The following CTSK variants were observed in gnomAD, a reference collection of about 807,000 sequenced individuals.
CTSK encodes cathepsin K.
A neutral mutation model predicts 40.5 loss-of-function variants in CTSK; 26 were observed. The ratio of observed to expected loss-of-function variants is 0.64; its 90% CI spans 0.47 to 0.89. The LOEUF (loss-of-function observed/expected upper bound fraction) is 0.89. CTSK is among the 40% of genes least tolerant of loss of function. The pLI is 0.00. For missense variants in CTSK, 292 were observed against 400.1 expected (o/e 0.73, Z 2.30); for synonymous variants, 132 against 143.2 (o/e 0.92, Z 0.56).
chr1:150,805,977 C>CT lies in CTSK; in HGVS notation c.282dup (p.Val95SerfsTer9), dbSNP rs745520467. 1.2e-6 allele frequency: 2 copies of CT among 1,614,156 alleles called. No homozygotes were observed. The highest frequency in any genetic ancestry group is 2.2e-5 in the South Asian group (2 of 91,082). ...TTACTGCGGGAATGAGACAGGGGTA[C>CT]TTTGAGTCCAGTCATCTTCTGAACC... is the stretch of plus-strand genomic sequence containing the variant. On this transcript the variant is annotated frameshift_variant, in exon 4 of 8. Coordinates refer to ENST00000271651, the MANE Select transcript of CTSK (RefSeq NM_000396.4). LOFTEE classifies it high-confidence loss of function.
chr1:150,803,646 T>C (rs1654033125), intron 5 of CTSK, among the ~76,000 whole-genome samples: 1 of 152,236 alleles, frequency 6.6e-6, no homozygotes, highest in Admixed American at 6.5e-5. Flanking sequence ...TGAAATGTTC[T>C]GAAAACTCAC....
Position 150,805,896 on chromosome 1 carries a change from G to T in CTSK, c.364C>A (p.Arg122=), listed in dbSNP as rs759107967. Reference sequence around the variant, plus strand: ...ACAGGAGTAACATATCCTTTCTTTCGATAGTCGACAGAGTCTGGGGCTCTA... The same window carrying T: ...ACAGGAGTAACATATCCTTTCTTTCTATAGTCGACAGAGTCTGGGGCTCTA... The part of the protein sequence containing the change: ...EGRAPDSVDY[R]KKGYVTPVKN... The change falls in exon 4 of 8, where the codon CGA becomes AGA. Residue 122 remains arginine (R), a synonymous_variant. Transcript: ENST00000271651. 1 of 1,614,094 alleles carries T rather than the reference G, an allele frequency of 6.2e-7. No homozygotes were observed. Among genetic ancestry groups the T allele is most frequent in the South Asian group, 1.1e-5 (1 of 91,076 alleles).
chr1:150,806,668 C>T lies in CTSK; in HGVS notation c.120+18G>A. 2 of 1,613,672 alleles carry T rather than the reference C, an allele frequency of 1.2e-6. No individual in the cohort carries two copies. On this transcript the variant is annotated intron_variant, in intron 2 of 7. Transcript: ENST00000271651. ...GGTCTCAGCCTTCCTGCCATGCCCC[C>T]TCCAGGACCCCAGGCACCTTGTTGT... is the stretch of plus-strand genomic sequence containing the variant.
At chr1:150,807,052 T>A (rs1374210258) in intron 1 of CTSK, among the ~76,000 whole-genome samples, 1 of 140,448 alleles carries the variant, frequency 7.1e-6, no homozygotes, top group Non-Finnish European at 1.5e-5. Flanking sequence ...ACACACTCTC[T>A]CTGTTTCTCT....
Position 150,796,565 on chromosome 1 carries a change from A to G in CTSK, c.*234T>C, listed in dbSNP as rs1188075125. ...CTGTAGTCACATCTCTTAGCCTAAG[A>G]GTACACAGCTGTCAGGGAAAGTCCT... On this transcript the variant is annotated 3_prime_UTR_variant, in exon 8 of 8. Transcript: ENST00000271651. 1 of 614,972 alleles carries G rather than the reference A, an allele frequency of 1.6e-6. No individual in the cohort carries two copies. Among genetic ancestry groups the G allele is most frequent in the African/African-American group, 1.8e-5 (1 of 54,568 alleles). The allele number at this position is 614,972 out of a possible 1,614,324, so 38.1% of individuals were successfully genotyped here.
intron 4 of CTSK, among the ~76,000 whole-genome samples, chr1:150,805,638 CAAAAAAAAA>C (rs79027279): frequency 1.8e-5 from 1 of 54,998 alleles, no homozygotes; most frequent in Non-Finnish European, 3.2e-5. Context: ...GACTCTATCT[CAAAAAAAAA>C]AAAAAAAAAA....
At chr1:150,806,653 T>A (rs751721868) in intron 2 of CTSK, 33 bp downstream of exon 2, 11 of 1,613,142 alleles carry the variant, frequency 6.8e-6, no homozygotes, top group Non-Finnish European at 9.3e-6. Flanking sequence ...GGTCTCAGCC[T>A]TCCTGCCATG....
chr1:150,799,325 G>A, intron 6 of CTSK, 52 bp from the exon 7 acceptor site: 3 of 1,402,618 alleles, frequency 2.1e-6, no homozygotes, highest in Non-Finnish European at 3.0e-6. Context: ...GGGTCACCCT[G>A]TGGGATCTCC....
chr1:150,808,038 A>C (rs893654267), intron 1 of CTSK, among the ~76,000 whole-genome samples, 176 bp downstream of exon 1: 3 of 152,222 alleles, frequency 2.0e-5, no homozygotes, highest in African/African-American at 7.2e-5. Context: ...CATACAAGGA[A>C]TTCTACAGAT....
chr1:150,796,938 T>G, intron 7 of CTSK, 40 bp from the exon 8 acceptor site: 1 of 1,292,536 alleles, frequency 7.7e-7, no homozygotes, highest in Non-Finnish European at 1.1e-6. Flanking sequence ...TACTCTCAGT[T>G]TATTTATTCA....
Position 150,796,741 on chromosome 1 carries a change from G to T in CTSK, c.*58C>A. 1 of 1,213,198 alleles carries T rather than the reference G, an allele frequency of 8.2e-7. No homozygotes were observed. The highest frequency in any genetic ancestry group is 1.2e-6 in the Non-Finnish European group (1 of 813,744). 75.2% of individuals were successfully genotyped at this position (1,213,198 alleles called of 1,614,324 possible). ...CACCAACTCCCTTCCAAAGTGCATC[G>T]TTACACTGCACCATCGTGGAAGAAA... On this transcript the variant is annotated 3_prime_UTR_variant, in exon 8 of 8. Transcript: ENST00000271651.
intron 7 of CTSK, among the ~76,000 whole-genome samples, chr1:150,797,305 T>A (rs981068471): frequency 6.6e-6 from 1 of 152,164 alleles, no homozygotes; most frequent in Non-Finnish European, 1.5e-5. Flanking sequence ...AAAGGCAGAT[T>A]GAGATCAGGT....
At chr1:150,799,779 A>T (rs1416265290) in intron 5 of CTSK, 70 bp from the exon 6 acceptor site, 2 of 1,455,572 alleles carry the variant, frequency 1.4e-6, no homozygotes, top group African/African-American at 2.8e-5. Context: ...TAAGAAACTC[A>T]ACCAATATTT....
At chr1:150,807,309 C>CT (rs1557827231) in intron 1 of CTSK, 1 of 471,546 alleles carries the variant, frequency 2.1e-6, no homozygotes, top group East Asian at 6.9e-5. Context: ...GCGTTCTTCT[C>CT]TTTCGTGCCT....
Position 150,805,975 on chromosome 1 carries a change from T to A in CTSK, c.285A>T (p.Val95=). ...CATTACTGCGGGAATGAGACAGGGG[T>A]ACTTTGAGTCCAGTCATCTTCTGAA... The part of the protein sequence containing the change: ...EVVQKMTGLK[V]PLSHSRSNDT... Residue 95 remains valine, a synonymous_variant, in exon 4 of 8, where the codon GTA becomes GTT. Coordinates refer to ENST00000271651, the MANE Select transcript of CTSK (RefSeq NM_000396.4). 6.2e-7 allele frequency: 1 copy of A among 1,614,130 alleles called. No homozygotes were observed. The highest frequency in any genetic ancestry group is 8.5e-7 in the Non-Finnish European group (1 of 1,180,026).
Position 150,804,236 on chromosome 1 carries a change from G to T in CTSK, c.403C>A (p.Gln135Lys). 6.2e-7 allele frequency: 1 copy of T among 1,612,096 alleles called. No individual in the cohort carries two copies. The highest frequency in any genetic ancestry group is 1.1e-5 in the South Asian group (1 of 91,026). Residue 135 changes from glutamine (Q) to lysine (K), a missense_variant, in exon 5 of 8, where the codon CAG becomes AAG. Transcript: ENST00000271651. ...GYVTPVKNQG[Q>K]CGSCWAFSSV... ...CTAAAAGCCCAACAGGAACCACACT[G>T]ACCCTGAAAGGCATACAGAGAAACT...
At chr1:150,798,480 T>C (rs1653916333) in intron 7 of CTSK, among the ~76,000 whole-genome samples, 1 of 152,214 alleles carries the variant, frequency 6.6e-6, no homozygotes, top group Non-Finnish European at 1.5e-5. Context: ...TCTGTCTTAT[T>C]GGGCTCTGAG....
At position 150,804,901 on chromosome 1, in the gene CTSK, A is replaced by G. The variant is rs140642297; in HGVS notation, c.400-662T>C. On this transcript the variant is annotated intron_variant, in intron 4 of 7. Transcript: ENST00000271651. ...AAAAAACTGACATTCTCATGCTAGT[A>G]AGAATGTAAGATTGCAAAAACTTTT... is the stretch of plus-strand genomic sequence containing the variant. 8.9e-3 allele frequency among the ~76,000 whole-genome samples: 1,349 copies of G among 152,262 alleles called. 12 individuals carry two copies. The highest frequency in any genetic ancestry group is 0.014 in the Non-Finnish European group (932 of 68,016).
chr1:150,807,451 C>T (rs1247155582), intron 1 of CTSK: 1 of 461,490 alleles, frequency 2.2e-6, no homozygotes. Flanking sequence ...TCTCCCTTCC[C>T]TCCTTAGGCA....
Sources: allele counts gnomAD v4.1 joint callset (sites outside exome capture counted in the v4.1 genomes callset), GRCh38; gene constraint gnomAD v4.1.1; transcripts MANE v1.5; gene names NCBI Gene and HGNC (gene_info 2026-07-23, HGNC 2026-07-21).